RNF212B: variants seen among roughly 807,000 people sequenced by gnomAD.
RNF212B encodes the protein E3 ubiquitin-protein ligase RNF212B.
RNF212B carries 52 observed loss-of-function variants against 55.5 expected under a neutral mutation model. That is an observed-to-expected ratio of 0.94 (90% CI 0.75 to 1.18). RNF212B has a LOEUF of 1.18. RNF212B is among the 50% of genes most tolerant of loss of function. The pLI is 0.00. For synonymous variants in RNF212B, 99 were observed against 121.4 expected (o/e 0.82, Z 1.21); for missense variants, 289 against 350.4 (o/e 0.82, Z 1.40).
intron 13 of RNF212B, 48 bp downstream of exon 13, chr14:23,270,008 C>T (rs567523679): frequency 3.0e-6 from 3 of 996,574 alleles, no homozygotes; most frequent in Non-Finnish European, 4.6e-6. Flanking sequence ...ACTATAGACA[C>T]ATATACTAAA....
intron 1 of RNF212B, among the ~76,000 whole-genome samples, chr14:23,189,583 G>A (rs12323469): frequency 0.035 from 5,342 of 152,000 alleles, 159 homozygotes; most frequent in Middle Eastern, 0.092. Context: ...CGGGAGGATC[G>A]CTTGAGTCCA....
rs71119011 is a variant in RNF212B at position 23,251,814 on chromosome 14, C to CAAAAAAAAA, written c.229-6732_229-6724dup. 1.2e-4 allele frequency among the ~76,000 whole-genome samples: 17 copies of CAAAAAAAAA among 136,406 alleles called. 2 individuals carry two copies. The highest frequency in any genetic ancestry group is 1.6e-4 in the African/African-American group (6 of 37,626). 89.5% of individuals were successfully genotyped at this position (136,406 alleles called of 152,430 possible). ...CTGGCAACAGAGTGAGACTCTGTCT[C>CAAAAAAAAA]AAAAAAAAAAAGAAAGAAAGAAAAC... On this transcript the variant is annotated intron_variant, in intron 4 of 14. Coordinates refer to ENST00000430154, the MANE Select transcript of RNF212B (RefSeq NM_001282322.3).
chr14:23,217,346 A>G (rs1433113030), intron 2 of RNF212B, among the ~76,000 whole-genome samples: 1 of 152,184 alleles, frequency 6.6e-6, no homozygotes, highest in South Asian at 2.1e-4. Context: ...CTGCACTAGG[A>G]CATCAGCTAA....
chr14:23,226,487 C>T (rs918389360), intron 2 of RNF212B, among the ~76,000 whole-genome samples: 6 of 151,054 alleles, frequency 4.0e-5, no homozygotes, highest in African/African-American at 1.5e-4. Context: ...AAAAATTAGC[C>T]GGACATGGCG....
rs188366562 is a variant in RNF212B at position 23,268,909 on chromosome 14, T to A, written c.635-15T>A. On this transcript the variant is annotated splice_polypyrimidine_tract_variant and intron_variant, in intron 11 of 14. Coordinates refer to ENST00000430154, the MANE Select transcript of RNF212B (RefSeq NM_001282322.3). Reference sequence around the variant, plus strand: ...TTCATGGATTATCTCACAGGCTTATTTTTATGCTTTCCAGAAACCCCTTCA... The same window carrying A: ...TTCATGGATTATCTCACAGGCTTATATTTATGCTTTCCAGAAACCCCTTCA... 1.7e-3 allele frequency: 2,564 copies of A among 1,548,932 alleles called. 86 individuals are homozygous for A. The Admixed American group carries it at 0.047, about 28-fold the overall frequency.
At chr14:23,249,198 A>C (rs1884227978) in intron 4 of RNF212B, among the ~76,000 whole-genome samples, 1 of 152,246 alleles carries the variant, frequency 6.6e-6, no homozygotes, top group Non-Finnish European at 1.5e-5. Context: ...AATCAGGTCA[A>C]GATTTGATCT....
chr14:23,243,024 A>G (rs1883710859), intron 2 of RNF212B, among the ~76,000 whole-genome samples: 1 of 151,650 alleles, frequency 6.6e-6, no homozygotes, highest in South Asian at 2.1e-4. Context: ...AGATGGGTAG[A>G]CGTACGGTGT....
intron 5 of RNF212B, 79 bp from the exon 6 acceptor site, chr14:23,259,805 T>C: frequency 1.5e-6 from 1 of 672,202 alleles, no homozygotes; most frequent in Admixed American, 3.2e-5. Context: ...ATTAACTAGA[T>C]GTTAATAGTT....
chr14:23,186,443 A>G lies in RNF212B; in HGVS notation c.-79+953A>G, dbSNP rs1458982607. ...CGGCTCACTGCAACCTCTGGCTCCT[A>G]GGTTCAAGTGATTCTCCTGCCTCAG... On this transcript the variant is annotated intron_variant, in intron 1 of 15. Coordinates refer to the RNF212B transcript ENST00000399910. Among the ~76,000 whole-genome samples the G allele has an allele frequency of 8.6e-5, 13 of 150,790 alleles. 1 individual carries two copies. The highest frequency in any genetic ancestry group is 8.6e-4 in the Admixed American group (13 of 15,102).
chr14:23,232,716 C>T (rs1311031910), intron 2 of RNF212B, among the ~76,000 whole-genome samples: 73 of 150,482 alleles, frequency 4.9e-4, no homozygotes, highest in African/African-American at 1.6e-3. Flanking sequence ...CCCGGCCAGC[C>T]GCCCCGTCCG....
chr14:23,217,252 TGGTGG>T (rs1566404182), intron 2 of RNF212B, among the ~76,000 whole-genome samples: 7 of 16,382 alleles, frequency 4.3e-4, no homozygotes, highest in African/African-American at 1.5e-3. Flanking sequence ...GTGGTGGCAG[TGGTGG>T]GGGGGGGGCT....
chr14:23,197,611 A>T (rs961107822), intron 2 of RNF212B, among the ~76,000 whole-genome samples: 40 of 152,000 alleles, frequency 2.6e-4, no homozygotes, highest in Non-Finnish European at 4.1e-4. Flanking sequence ...AAATATAATT[A>T]AAAAATAATA....
intron 2 of RNF212B, among the ~76,000 whole-genome samples, chr14:23,215,968 G>A (rs749842414): frequency 1.2e-4 from 18 of 152,282 alleles, no homozygotes; most frequent in South Asian, 2.1e-4. Flanking sequence ...AACATTTGCC[G>A]GGTGTGGTGG....
intron 7 of RNF212B, among the ~76,000 whole-genome samples, chr14:23,262,146 C>T (rs1267962076): frequency 6.6e-6 from 1 of 152,112 alleles, no homozygotes; most frequent in East Asian, 1.9e-4. Flanking sequence ...CCCATTACAA[C>T]ACTTAAACAC....
At chr14:23,269,723 A>G in intron 12 of RNF212B, 140 bp from the exon 13 acceptor site, 31 of 595,392 alleles carry the variant, frequency 5.2e-5, no homozygotes, top group African/African-American at 5.1e-4. Flanking sequence ...AAAAAAAAAA[A>G]AGAAAAAATT....
chr14:23,253,211 A>T (rs1403703315), intron 4 of RNF212B, among the ~76,000 whole-genome samples: 6 of 152,202 alleles, frequency 3.9e-5, no homozygotes, highest in Admixed American at 3.9e-4. Flanking sequence ...ACAATTCCAT[A>T]ATATTATCAA....
At chr14:23,272,283 GGT>G (rs1886156734) in intron 14 of RNF212B, 1 of 158,930 alleles carries the variant, frequency 6.3e-6, no homozygotes, top group African/African-American at 2.4e-5. Context: ...AGCCGGGCAT[GGT>G]GGCGGGCGCC....
intron 2 of RNF212B, among the ~76,000 whole-genome samples, chr14:23,221,035 T>G (rs1881523538): frequency 6.6e-6 from 1 of 151,780 alleles, no homozygotes; most frequent in Non-Finnish European, 1.5e-5. Context: ...GACTAAACTC[T>G]CCAATCAAAA....
At chr14:23,193,753 A>T (rs1365982982) in intron 2 of RNF212B, among the ~76,000 whole-genome samples, 1 of 15,282 alleles carries the variant, frequency 6.5e-5, no homozygotes, top group African/African-American at 3.7e-4. Context: ...AGATTTAACA[A>T]AAAAAAAAAA....
Sources: gnomAD v4.1 joint callset for allele counts (sites outside exome capture counted in the v4.1 genomes callset) on GRCh38, gnomAD v4.1.1 for gene constraint, MANE v1.5 for transcripts, NCBI Gene and HGNC (gene_info 2026-07-23, HGNC 2026-07-21) for gene names.